PAQR5: variants seen among roughly 807,000 people sequenced by gnomAD.
PAQR5 encodes the protein progestin and adipoQ receptor family member 5.
A neutral mutation model predicts 34.5 loss-of-function variants in PAQR5; 20 were observed. The observed-to-expected ratio is 0.58, with a 90% CI of 0.41 to 0.84. The LOEUF (loss-of-function observed/expected upper bound fraction) is 0.84, where lower values mean the gene tolerates loss of function less well. Among genes scored for constraint, PAQR5 ranks in the 40% least tolerant of loss-of-function variants. The pLI, the probability that PAQR5 is intolerant of heterozygous loss-of-function variation, is 0.00. For missense variants in PAQR5, 378 were observed against 412.7 expected, an observed-to-expected ratio of 0.92 and a Z score of 0.73; for synonymous variants, 131 against 155.6, an observed-to-expected ratio of 0.84 and a Z score of 1.18.
intron 1 of PAQR5, among the ~76,000 whole-genome samples, chr15:69,319,209 A>G (rs2054037730): frequency 9.7e-6 from 1 of 103,282 alleles, no homozygotes; most frequent in Non-Finnish European, 2.0e-5. Flanking sequence ...ATATATATAT[A>G]TATGAATGTG....
intron 3 of PAQR5, among the ~76,000 whole-genome samples, chr15:69,376,842 C>T (rs538278827): frequency 2.6e-5 from 4 of 152,282 alleles, no homozygotes; most frequent in East Asian, 3.9e-4. Flanking sequence ...TGGCTTTTGA[C>T]GACGTCAGTC....
At chr15:69,319,291 T>C (rs1241515498) in intron 1 of PAQR5, among the ~76,000 whole-genome samples, 1 of 151,022 alleles carries the variant, frequency 6.6e-6, no homozygotes, top group Non-Finnish European at 1.5e-5. Context: ...CACCGTTGAC[T>C]GCAGGTAACT....
At chr15:69,369,836 C>T (rs1398545845) in intron 3 of PAQR5, among the ~76,000 whole-genome samples, 1 of 151,390 alleles carries the variant, frequency 6.6e-6, no homozygotes, top group East Asian at 1.9e-4. Context: ...AGACTCCTAG[C>T]TTTATTGGCA....
At position 69,404,953 on chromosome 15, in the gene PAQR5, A is replaced by G; in HGVS notation, c.*1131A>G. 1 of 398,638 alleles carries G rather than the reference A, an allele frequency of 2.5e-6. No individual in the cohort carries two copies. Among genetic ancestry groups the G allele is most frequent in the Non-Finnish European group, 4.4e-6 (1 of 226,058 alleles). The allele number at this position is 398,638 out of a possible 1,614,324, so 24.7% of individuals were successfully genotyped here. On this transcript the variant is annotated 3_prime_UTR_variant, in exon 9 of 9. Coordinates refer to ENST00000395407, the MANE Select transcript of PAQR5 (RefSeq NM_017705.4). ...ACAGGAGGGCCAGAGGCCAAACTTG[A>G]AGAACTGCTGGTGTTACATGTTCCA...
chr15:69,376,853 C>T (rs1030879175), intron 3 of PAQR5, among the ~76,000 whole-genome samples: 4 of 152,134 alleles, frequency 2.6e-5, no homozygotes, highest in African/African-American at 7.2e-5. Context: ...GACGTCAGTC[C>T]CCCTAGTTTT....
At chr15:69,333,499 C>G (rs909794040) in intron 1 of PAQR5, among the ~76,000 whole-genome samples, 1 of 152,098 alleles carries the variant, frequency 6.6e-6, no homozygotes, top group African/African-American at 2.4e-5. Flanking sequence ...CTCTCGGCCA[C>G]CTGGAAGATA....
chr15:69,323,717 A>G (rs2140622778), intron 1 of PAQR5, among the ~76,000 whole-genome samples: 1 of 152,362 alleles, frequency 6.6e-6, no homozygotes, highest in South Asian at 2.1e-4. Flanking sequence ...GAAAAGGAGA[A>G]AGAGTAAAGC....
intron 2 of PAQR5, among the ~76,000 whole-genome samples, chr15:69,340,718 G>A (rs117390377): frequency 2.6e-5 from 4 of 152,206 alleles, no homozygotes; most frequent in East Asian, 1.9e-4. Context: ...CCCACTGTTC[G>A]TTAGAGACCT....
chr15:69,365,162 A>G (rs540792944), intron 3 of PAQR5, among the ~76,000 whole-genome samples: 23 of 151,466 alleles, frequency 1.5e-4, no homozygotes, highest in African/African-American at 5.3e-4. Context: ...GCTGGAGTGC[A>G]GTGGCGCAAT....
At chr15:69,327,235 G>T (rs892283981) in intron 1 of PAQR5, among the ~76,000 whole-genome samples, 1 of 152,078 alleles carries the variant, frequency 6.6e-6, no homozygotes, top group African/African-American at 2.4e-5. Context: ...GGACTCAAGT[G>T]ATCTTCCCGC....
chr15:69,329,018 G>A (rs566254258), intron 1 of PAQR5, among the ~76,000 whole-genome samples: 3 of 152,344 alleles, frequency 2.0e-5, no homozygotes, highest in African/African-American at 7.2e-5. Flanking sequence ...CCACCACTTG[G>A]AGCCACGCCA....
chr15:69,371,049 G>A (rs8023745), intron 3 of PAQR5, among the ~76,000 whole-genome samples: 147,665 of 152,276 alleles, frequency 0.97, 71,756 homozygotes, highest in East Asian at 1. Context: ...TTTCAGCAAA[G>A]TTGAGTTATA....
At chr15:69,332,309 T>C (rs1245493580) in intron 1 of PAQR5, among the ~76,000 whole-genome samples, 1 of 152,204 alleles carries the variant, frequency 6.6e-6, no homozygotes, top group Non-Finnish European at 1.5e-5. Flanking sequence ...GCTGGTCAGT[T>C]ACAAACCTTG....
chr15:69,322,033 G>T (rs1200210830), intron 1 of PAQR5, among the ~76,000 whole-genome samples: 1 of 152,064 alleles, frequency 6.6e-6, no homozygotes, highest in African/African-American at 2.4e-5. Context: ...TTTGCGTTTA[G>T]CCATAACAAA....
chr15:69,305,971 C>A (rs2053707314), intron 1 of PAQR5, among the ~76,000 whole-genome samples: 1 of 152,106 alleles, frequency 6.6e-6, no homozygotes, highest in African/African-American at 2.4e-5. Context: ...TAACCCAGAC[C>A]TATTGCTCTG....
At chr15:69,316,851 T>TG (rs1234559179) in intron 1 of PAQR5, among the ~76,000 whole-genome samples, 1 of 152,130 alleles carries the variant, frequency 6.6e-6, no homozygotes, top group African/African-American at 2.4e-5. Flanking sequence ...GATGGAGTCT[T>TG]GCTCTGTCCC....
chr15:69,301,045 C>A (rs2053594310), intron 1 of PAQR5, among the ~76,000 whole-genome samples: 1 of 140,086 alleles, frequency 7.1e-6, no homozygotes, highest in South Asian at 2.3e-4. Context: ...GCTCTATTAC[C>A]CAGGCTAGAG....
Position 69,403,643 on chromosome 15 carries a change from A to C in PAQR5, c.814A>C (p.Ile272Leu). 1 of 1,614,112 alleles carries C rather than the reference A, an allele frequency of 6.2e-7. No homozygotes were observed. Among genetic ancestry groups the C allele is most frequent in the South Asian group, 1.1e-5 (1 of 91,084 alleles). Residue 272 changes from isoleucine to leucine, a missense_variant, in exon 9 of 9, where the codon ATA becomes CTA. By Grantham distance (5) the Ile-to-Leu change is conservative (BLOSUM62 2). Transcript: ENST00000395407. ...ILATHMQMEA[I>L]LLDKTLRKEW... is the part of the protein sequence containing the mutation. ...GGCCACGCACATGCAGATGGAAGCC[A>C]TACTTCTGGACAAGACTCTGAGGAA...
chr15:69,384,650 A>C (rs1326823774), intron 4 of PAQR5, 27 bp from the exon 5 acceptor site: 2 of 1,552,332 alleles, frequency 1.3e-6, no homozygotes, highest in Non-Finnish European at 1.8e-6. Flanking sequence ...TTCATGGTGG[A>C]GGGTGAGTGA....
Sources: gnomAD v4.1 joint callset for allele counts (sites outside exome capture counted in the v4.1 genomes callset) on GRCh38, gnomAD v4.1.1 for gene constraint, MANE v1.5 for transcripts, NCBI Gene and HGNC (gene_info 2026-07-23, HGNC 2026-07-21) for gene names.